ALDH1A1: variants seen among roughly 807,000 people sequenced by gnomAD.
The protein encoded by ALDH1A1 is aldehyde dehydrogenase 1A1.
Under a neutral mutation model 62.1 loss-of-function variants are expected in ALDH1A1, and 19 were observed. The ratio of observed to expected loss-of-function variants is 0.31; its 90% CI spans 0.21 to 0.45. The LOEUF (loss-of-function observed/expected upper bound fraction) is 0.45. Ranked by LOEUF, ALDH1A1 falls within the 20% of genes least tolerant of loss-of-function variation. The pLI, the probability that ALDH1A1 is intolerant of heterozygous loss-of-function variation, is 1.00. For missense variants in ALDH1A1, 521 were observed against 607.1 expected, an observed-to-expected ratio of 0.86 and a Z score of 1.49; for synonymous variants, 231 against 215.9, an observed-to-expected ratio of 1.07 and a Z score of -0.61.
At chr9:72,928,267 A>G (rs1386305919) in intron 4 of ALDH1A1, among the ~76,000 whole-genome samples, 1 of 152,046 alleles carries the variant, frequency 6.6e-6, no homozygotes, top group African/African-American at 2.4e-5. Flanking sequence ...TTCACATGAA[A>G]TATCTTTAGT....
chr9:72,916,877 T>C (rs1187958704), intron 9 of ALDH1A1, 43 bp downstream of exon 9: 1 of 1,487,162 alleles, frequency 6.7e-7, no homozygotes, highest in African/African-American at 1.4e-5. Context: ...GGATACTTTA[T>C]TCCTGTGCCC....
chr9:72,938,995 G>C (rs546822553), intron 2 of ALDH1A1, among the ~76,000 whole-genome samples: 1 of 151,324 alleles, frequency 6.6e-6, no homozygotes, highest in Admixed American at 6.6e-5. Context: ...TGCCCGCCTC[G>C]GCCTCCCAAA....
At chr9:72,925,648 T>G (rs544635792) in intron 5 of ALDH1A1, 36 bp from the exon 6 acceptor site, 2 of 1,601,554 alleles carry the variant, frequency 1.2e-6, no homozygotes, top group South Asian at 2.2e-5. Flanking sequence ...TTCTTTGTAT[T>G]GCAAAAGGCA....
intron 2 of ALDH1A1, among the ~76,000 whole-genome samples, chr9:72,939,737 C>T (rs901913138): frequency 2.0e-5 from 3 of 151,848 alleles, no homozygotes; most frequent in Non-Finnish European, 4.4e-5. Context: ...AGGCTGGTCT[C>T]GAACTCGTGA....
At chr9:72,919,907 G>T (rs2118518838) in intron 7 of ALDH1A1, among the ~76,000 whole-genome samples, 2 of 152,284 alleles carry the variant, frequency 1.3e-5, no homozygotes, top group Middle Eastern at 3.4e-3. Context: ...TTCCCATCAA[G>T]ATTATTTACT....
chr9:72,909,022 C>T (rs1829942996), intron 11 of ALDH1A1, among the ~76,000 whole-genome samples: 1 of 151,982 alleles, frequency 6.6e-6, no homozygotes, highest in South Asian at 2.1e-4. Flanking sequence ...CAGCATAGTA[C>T]CACGTGCTCA....
At chr9:72,926,759 T>C (rs1180564671) in intron 5 of ALDH1A1, among the ~76,000 whole-genome samples, 1 of 152,258 alleles carries the variant, frequency 6.6e-6, no homozygotes, top group African/African-American at 2.4e-5. Context: ...ACCAAAATGC[T>C]ATCCTGCAGA....
chr9:72,902,461 C>A (rs1470589363), intron 12 of ALDH1A1, among the ~76,000 whole-genome samples: 3 of 151,890 alleles, frequency 2.0e-5, no homozygotes, highest in Admixed American at 6.6e-5. Context: ...TTTTCTTGGG[C>A]AATTAAGCTT....
At chr9:72,918,572 G>A in intron 8 of ALDH1A1, 148 bp downstream of exon 8, 1 of 525,444 alleles carries the variant, frequency 1.9e-6, no homozygotes, top group Non-Finnish European at 3.3e-6. Context: ...ATTTTCAAGA[G>A]TAATTTTGGA....
chr9:72,932,939 T>C (rs1232697294), intron 2 of ALDH1A1, among the ~76,000 whole-genome samples: 3 of 152,326 alleles, frequency 2.0e-5, no homozygotes, highest in East Asian at 1.9e-4. Flanking sequence ...ATAGGGATCT[T>C]GGCCTCCCAA....
intron 8 of ALDH1A1, 144 bp downstream of exon 8, chr9:72,918,576 T>A: frequency 1.8e-6 from 1 of 550,674 alleles, no homozygotes; most frequent in East Asian, 2.9e-5. Flanking sequence ...TCAAGAGTAA[T>A]TTTGGACTCT....
chr9:72,944,991 C>T (rs1480021850), intron 1 of ALDH1A1, among the ~76,000 whole-genome samples: 1 of 152,052 alleles, frequency 6.6e-6, no homozygotes, highest in Non-Finnish European at 1.5e-5. Context: ...AGATATGCCA[C>T]ATTTTAAGAA....
intron 2 of ALDH1A1, among the ~76,000 whole-genome samples, chr9:72,936,693 G>C (rs1830350913): frequency 6.6e-6 from 1 of 152,160 alleles, no homozygotes. Flanking sequence ...GGCTCCTATA[G>C]ACCTTGCCAG....
intron 5 of ALDH1A1, among the ~76,000 whole-genome samples, chr9:72,926,189 A>G (rs529972401): frequency 3.2e-4 from 48 of 152,216 alleles, no homozygotes; most frequent in Non-Finnish European, 5.4e-4. Context: ...TCTCTGCCTC[A>G]GAAGGCTGTC....
rs78528993 is a variant in ALDH1A1, at chr9:72,904,352, T to C, written c.1433+1606A>G. Among the ~76,000 whole-genome samples the C allele has an allele frequency of 3.9e-3, 591 of 152,272 alleles. 6 individuals carry two copies. The highest frequency in any genetic ancestry group is 0.013 in the African/African-American group (559 of 41,572). ...TCAAATTTCTTAAATGCAGGACTTC[T>C]TAATCTGTATCATATGTTACTCTGA... On this transcript the variant is annotated intron_variant, in intron 12 of 12. Coordinates refer to ENST00000297785, the MANE Select transcript of ALDH1A1 (RefSeq NM_000689.5).
Position 72,928,992 on chromosome 9 carries a change from G to C in ALDH1A1, c.342C>G (p.Leu114=), listed in dbSNP as rs771425197. Residue 114 remains leucine, a synonymous_variant, in exon 4 of 13, where the codon CTC becomes CTG. Coordinates refer to ENST00000297785, the MANE Select transcript of ALDH1A1 (RefSeq NM_000689.5). The part of the protein sequence containing the change: ...ATMESMNGGK[L]YSNAYLNDLA... ...AATCATTCAGATATGCATTGGAATA[G>C]AGTTTTCCACCATTCATTGACTCCA... 24 of 1,613,588 alleles carry C rather than the reference G, an allele frequency of 1.5e-5. No homozygotes were observed. In the Admixed American group the frequency reaches 1.5e-4, roughly 10 times the overall value.
At chr9:72,921,576 A>G (rs1278815080) in intron 7 of ALDH1A1, among the ~76,000 whole-genome samples, 1 of 134,674 alleles carries the variant, frequency 7.4e-6, no homozygotes, top group East Asian at 2.2e-4. Context: ...CACATTGTGC[A>G]GGTTAGTTAC....
intron 1 of ALDH1A1, among the ~76,000 whole-genome samples, chr9:72,941,975 G>C (rs889525815): frequency 3.9e-5 from 6 of 152,060 alleles, no homozygotes; most frequent in Admixed American, 3.9e-4. Context: ...TACATATATG[G>C]GGAAATGAGA....
chr9:72,911,120 T>C (rs1233819328), intron 10 of ALDH1A1, among the ~76,000 whole-genome samples: 5 of 152,174 alleles, frequency 3.3e-5, no homozygotes, highest in Non-Finnish European at 7.4e-5. Flanking sequence ...ATATATATAA[T>C]GTATATACAC....
Sources: allele counts gnomAD v4.1 joint callset (sites outside exome capture counted in the v4.1 genomes callset), GRCh38; gene constraint gnomAD v4.1.1; transcripts MANE v1.5; gene names NCBI Gene and HGNC (gene_info 2026-07-23, HGNC 2026-07-21).